Variants in WDR64 observed in about 807,000 individuals in gnomAD.
The protein encoded by WDR64 is WD repeat domain 64.
Under a neutral mutation model 139.3 loss-of-function variants are expected in WDR64, and 112 were observed. That is an observed-to-expected ratio of 0.80 (90% CI 0.69 to 0.94). The LOEUF (loss-of-function observed/expected upper bound fraction) is 0.94. Among genes scored for constraint, WDR64 ranks in the 40% least tolerant of loss-of-function variants. The pLI, the probability that WDR64 is intolerant of heterozygous loss-of-function variation, is 0.00. For missense variants in WDR64, 1,206 were observed against 1,293.1 expected (o/e 0.93, Z 1.03); for synonymous variants, 444 against 437.7 (o/e 1.01, Z -0.18).
At chr1:241,686,792 A>G (rs1667020288) in intron 7 of WDR64, among the ~76,000 whole-genome samples, 1 of 152,232 alleles carries the variant, frequency 6.6e-6, no homozygotes, top group Non-Finnish European at 1.5e-5. Flanking sequence ...AATGGAAAAT[A>G]TATTTTCAGA....
intron 9 of WDR64, among the ~76,000 whole-genome samples, chr1:241,713,669 A>G (rs1370440161): frequency 6.6e-6 from 1 of 152,196 alleles, no homozygotes; most frequent in African/African-American, 2.4e-5. Context: ...CACATTGGCA[A>G]AATCACTTTG....
At chr1:241,680,203 C>T (rs1184076357) in intron 6 of WDR64, among the ~76,000 whole-genome samples, 1 of 152,100 alleles carries the variant, frequency 6.6e-6, no homozygotes, top group Non-Finnish European at 1.5e-5. Context: ...TCACTGAGCA[C>T]CGAGGTTATT....
At chr1:241,718,304 G>A (rs890165176) in intron 9 of WDR64, among the ~76,000 whole-genome samples, 1 of 152,128 alleles carries the variant, frequency 6.6e-6, no homozygotes, top group African/African-American at 2.4e-5. Flanking sequence ...CACAGAAGAA[G>A]GAGTCTGAAC....
intron 10 of WDR64, among the ~76,000 whole-genome samples, chr1:241,737,724 G>C (rs1168567700): frequency 1.3e-5 from 2 of 152,244 alleles, no homozygotes; most frequent in Middle Eastern, 3.4e-3. Flanking sequence ...TGCAGAATTT[G>C]TACTTCATTG....
chr1:241,680,785 G>GCAGACTCAGCTGGTCTCT (rs71174830), intron 6 of WDR64, among the ~76,000 whole-genome samples: 1 of 151,554 alleles, frequency 6.6e-6, no homozygotes, highest in Non-Finnish European at 1.5e-5. Context: ...CTTCGGGTCT[G>GCAGACTCAGCTGGTCTCT]CAGTAGCTTC....
At chr1:241,764,618 A>G (rs1368641802) in intron 15 of WDR64, among the ~76,000 whole-genome samples, 1 of 151,572 alleles carries the variant, frequency 6.6e-6, no homozygotes, top group Non-Finnish European at 1.5e-5. Context: ...CTATGATTGC[A>G]CCACTGCAGA....
chr1:241,789,487 T>A (rs958871101), intron 24 of WDR64, among the ~76,000 whole-genome samples: 1 of 152,220 alleles, frequency 6.6e-6, no homozygotes, highest in Admixed American at 6.5e-5. Context: ...TAGGTATGCA[T>A]CAGTGGTAGA....
intron 8 of WDR64, among the ~76,000 whole-genome samples, chr1:241,700,203 C>CTATTT (rs945790221): frequency 3.4e-5 from 5 of 148,364 alleles, no homozygotes; most frequent in African/African-American, 1.2e-4. Context: ...TATTGCGTAC[C>CTATTT]TATTTTAGAC....
In WDR64 at chr1:241,769,417, G is replaced by A; in HGVS notation, c.2095G>A (p.Asp699Asn). The A allele has an allele frequency of 6.4e-7, 1 of 1,551,338 alleles. No homozygotes were observed. Among genetic ancestry groups the A allele is most frequent in the Non-Finnish European group, 8.7e-7 (1 of 1,146,946 alleles). The change falls in exon 17 of 28, where the codon GAT becomes AAT. Residue 699 changes from aspartate (D) to asparagine (N), a missense_variant. By Grantham distance (23) the Asp-to-Asn change is conservative (BLOSUM62 1). Coordinates refer to ENST00000437684, the MANE Select transcript of WDR64 (RefSeq NM_001367482.1). ...ACTTACTTCTAGGTACCGACCTGAAGATTGCTTCACTGTAAACCCTGACTT... is the reference window on the plus strand; with the variant it reads ...ACTTACTTCTAGGTACCGACCTGAAAATTGCTTCACTGTAAACCCTGACTT... Reference protein sequence around the residue: ...STVKKVYRPEDCFTVNPDLHP... With the variant: ...STVKKVYRPENCFTVNPDLHP...
At chr1:241,748,562 G>T (rs1160473719) in intron 13 of WDR64, among the ~76,000 whole-genome samples, 1 of 152,058 alleles carries the variant, frequency 6.6e-6, no homozygotes, top group Non-Finnish European at 1.5e-5. Flanking sequence ...CATTCATGAG[G>T]GTTCTACCCC....
rs1288968066 is a variant in WDR64 at position 241,656,904 on chromosome 1, GTGTGTGTC to G, written c.146-3622_146-3615del. 1.3e-3 allele frequency among the ~76,000 whole-genome samples: 188 copies of G among 149,590 alleles called. No homozygotes were observed. The highest frequency in any genetic ancestry group is 3.9e-3 in the African/African-American group (152 of 39,470). ...TGTGTGTGTGTGTGTGTGTGTGTGT[GTGTGTGTC>G]TGTCTGGGGATGGAGGTGAGGTGCA... On this transcript the variant is annotated intron_variant, in intron 1 of 27. Coordinates refer to ENST00000437684, the MANE Select transcript of WDR64 (RefSeq NM_001367482.1). The surrounding 1 kb of genome is among the most constrained non-coding windows in gnomAD (Gnocchi z 4.3).
intron 18 of WDR64, among the ~76,000 whole-genome samples, 194 bp from the exon 19 acceptor site, chr1:241,771,467 G>A (rs1252008598): frequency 6.6e-6 from 1 of 151,986 alleles, no homozygotes; most frequent in East Asian, 1.9e-4. Flanking sequence ...CTAGAAGAAT[G>A]TTGTGTTATA....
Position 241,652,619 on chromosome 1 carries a change from C to T in WDR64, c.135C>T (p.Ile45=). The change falls in exon 1 of 28, where the codon ATC becomes ATT. Residue 45 remains isoleucine, a synonymous_variant. Transcript: ENST00000437684. The stretch of plus-strand genomic sequence containing the variant: ...GAGATGAAAGAGCAGGCTTATTTAT[C>T]CATAAAGAAGGTAAGATCAGTGATT... ...QKRDERAGLF[I]HKEDAIGYDK... The T allele has an allele frequency of 6.4e-7, 1 of 1,551,598 alleles. No individual in the cohort carries two copies. Among genetic ancestry groups the T allele is most frequent in the Non-Finnish European group, 8.7e-7 (1 of 1,147,004 alleles).
At position 241,717,728 on chromosome 1, in the gene WDR64, C is replaced by T. The variant is rs6699148; in HGVS notation, c.1055-5569C>T. On this transcript the variant is annotated intron_variant, in intron 9 of 27. Coordinates refer to ENST00000437684, the MANE Select transcript of WDR64 (RefSeq NM_001367482.1). ...GACCTATCTTCAGATTTGACATACTCTTTACAAATAGTTGTTTACCCTCTA... is the reference window on the plus strand; with the variant it reads ...GACCTATCTTCAGATTTGACATACTTTTTACAAATAGTTGTTTACCCTCTA... Among the ~76,000 whole-genome samples the T allele has an allele frequency of 6.6e-3, 1,005 of 152,200 alleles. 7 individuals are homozygous for T. Among genetic ancestry groups the T allele is most frequent in the African/African-American group, 0.023 (961 of 41,542 alleles).
chr1:241,711,367 T>A (rs770674447), intron 8 of WDR64, among the ~76,000 whole-genome samples: 1 of 152,150 alleles, frequency 6.6e-6, no homozygotes, highest in Non-Finnish European at 1.5e-5. Context: ...TTCAGGTATA[T>A]TTCAGAGGAA....
chr1:241,723,310 C>T lies in WDR64; in HGVS notation c.1068C>T (p.Val356=). The change falls in exon 10 of 28, where the codon GTC becomes GTT. Residue 356 remains valine (V), a synonymous_variant. Coordinates refer to ENST00000437684, the MANE Select transcript of WDR64 (RefSeq NM_001367482.1). ...NVIVTGGDDK[V]IRLWHPNIST... Reference sequence around the variant, plus strand: ...CCTCCTTTTCAGGAGATGATAAGGTCATCCGGTTGTGGCACCCCAATATCA... The same window carrying T: ...CCTCCTTTTCAGGAGATGATAAGGTTATCCGGTTGTGGCACCCCAATATCA... 6.2e-7 allele frequency: 1 copy of T among 1,613,850 alleles called. No individual in the cohort carries two copies. The highest frequency in any genetic ancestry group is 8.5e-7 in the Non-Finnish European group (1 of 1,179,846).
intron 14 of WDR64, among the ~76,000 whole-genome samples, chr1:241,750,071 A>G (rs1669924746): frequency 6.6e-6 from 1 of 152,212 alleles, no homozygotes; most frequent in Non-Finnish European, 1.5e-5. Flanking sequence ...GCTTTCCAGC[A>G]GGCTCTGTCC....
At chr1:241,659,723 G>A (rs112666027) in intron 1 of WDR64, among the ~76,000 whole-genome samples, 77 of 152,182 alleles carry the variant, frequency 5.1e-4, no homozygotes, top group African/African-American at 1.5e-3. Context: ...AGAAGTGTTC[G>A]TTCATGTCCT....
At chr1:241,787,680 A>G (rs942419172) in intron 23 of WDR64, among the ~76,000 whole-genome samples, 169 bp from the exon 24 acceptor site, 3 of 151,886 alleles carry the variant, frequency 2.0e-5, no homozygotes, top group African/African-American at 4.8e-5. Context: ...AAAAAAAAAA[A>G]AAGTTTACAT....
Sources: gnomAD v4.1 joint callset for allele counts (sites outside exome capture counted in the v4.1 genomes callset) on GRCh38, gnomAD v4.1.1 for gene constraint, Gnocchi (gnomAD v3.1) non-coding constraint, MANE v1.5 for transcripts, NCBI Gene and HGNC (gene_info 2026-07-23, HGNC 2026-07-21) for gene names.